The following STRBP variants were observed in gnomAD, a reference collection of about 807,000 sequenced individuals.
STRBP encodes the protein spermatid perinuclear RNA binding protein.
In STRBP, 13 loss-of-function variants were observed where a neutral mutation model predicts 80.1. The ratio of observed to expected loss-of-function variants is 0.16; its 90% CI spans 0.11 to 0.26. The LOEUF is 0.26. Among genes scored for constraint, STRBP ranks in the 10% least tolerant of loss-of-function variants. STRBP has a pLI of 1.00. For synonymous variants in STRBP, 284 were observed against 291.2 expected (o/e 0.98, Z 0.25); for missense variants, 485 against 815.2 (o/e 0.59, Z 4.93).
At chr9:123,259,029 C>A in intron 1 of STRBP, among the ~76,000 whole-genome samples, 1 of 132,710 alleles carries the variant, frequency 7.5e-6, no homozygotes, top group Admixed American at 8.8e-5. Flanking sequence ...ATTCTTGTTA[C>A]TGTATTAAGA....
chr9:123,145,955 C>T (rs1284609666), intron 13 of STRBP, among the ~76,000 whole-genome samples: 2 of 151,934 alleles, frequency 1.3e-5, no homozygotes, highest in Non-Finnish European at 2.9e-5. Flanking sequence ...TCTATCTTCC[C>T]ATCCTATACA....
chr9:123,221,092 G>T lies in STRBP; in HGVS notation c.-165+15738C>A, dbSNP rs116856884. ...AGAATTTTTAAAAAGAGAAAAGGAGGAGCTAAGCTGGGTGAAGCGTTGGGT... is the reference window on the plus strand; with the variant it reads ...AGAATTTTTAAAAAGAGAAAAGGAGTAGCTAAGCTGGGTGAAGCGTTGGGT... On this transcript the variant is annotated intron_variant, in intron 2 of 18. Coordinates refer to ENST00000348403, the MANE Select transcript of STRBP (RefSeq NM_018387.5). 2.9e-3 allele frequency among the ~76,000 whole-genome samples: 436 copies of T among 152,154 alleles called. 2 individuals are homozygous for T. Among genetic ancestry groups the T allele is most frequent in the Non-Finnish European group, 4.8e-3 (328 of 67,990 alleles).
intron 11 of STRBP, among the ~76,000 whole-genome samples, chr9:123,150,253 C>G (rs1482743423): frequency 1.3e-5 from 2 of 152,072 alleles, no homozygotes; most frequent in East Asian, 1.9e-4. Flanking sequence ...GTTCTCAAAC[C>G]CCGGTGCCAT....
intron 2 of STRBP, among the ~76,000 whole-genome samples, chr9:123,206,739 A>G (rs1163855266): frequency 6.6e-6 from 1 of 152,054 alleles, no homozygotes; most frequent in Non-Finnish European, 1.5e-5. Flanking sequence ...CCCGGGTCCA[A>G]GTGACTCTCC....
chr9:123,263,874 ATT>A (rs949840564), intron 1 of STRBP, among the ~76,000 whole-genome samples: 1 of 152,184 alleles, frequency 6.6e-6, no homozygotes, highest in Non-Finnish European at 1.5e-5. Context: ...TATGTTTATT[ATT>A]TCTGATATAA....
chr9:123,204,895 GC>G (rs1178530589), intron 2 of STRBP, among the ~76,000 whole-genome samples: 2 of 124,948 alleles, frequency 1.6e-5, no homozygotes, highest in East Asian at 2.4e-4. Context: ...CTGCACTCTA[GC>G]CTGGGCAACA....
intron 2 of STRBP, among the ~76,000 whole-genome samples, chr9:123,208,154 A>G (rs2039588140): frequency 6.6e-6 from 1 of 151,942 alleles, no homozygotes; most frequent in Non-Finnish European, 1.5e-5. Context: ...GACATATTCC[A>G]ACATAGAATT....
chr9:123,260,565 T>C (rs554151941), intron 1 of STRBP, among the ~76,000 whole-genome samples: 17 of 152,228 alleles, frequency 1.1e-4, no homozygotes, highest in Non-Finnish European at 1.3e-4. Context: ...ATGTTTTAAA[T>C]CCACGTCCTT....
Position 123,125,518 on chromosome 9 carries a change from G to A in STRBP, c.*79C>T. 1 of 1,391,336 alleles carries A rather than the reference G, an allele frequency of 7.2e-7. No individual in the cohort carries two copies. The highest frequency in any genetic ancestry group is 1.5e-5 in the African/African-American group (1 of 68,078). The allele number at this position is 1,391,336 out of a possible 1,614,324, so 86.2% of individuals were successfully genotyped here. On this transcript the variant is annotated 3_prime_UTR_variant, in exon 19 of 19. Transcript: ENST00000348403. ...TTGATCAAGTATGTGTTCAAAGAAA[G>A]CAGGATAAAAAGGCTTTTTCTCTAA...
chr9:123,265,058 G>C (rs1383437078), intron 1 of STRBP, among the ~76,000 whole-genome samples: 1 of 152,058 alleles, frequency 6.6e-6, no homozygotes, highest in Non-Finnish European at 1.5e-5. Flanking sequence ...AATACTCAGA[G>C]TTTCAATCGA....
Position 123,122,198 on chromosome 9 carries a change from T to C in STRBP, c.*3399A>G. ...CAGAAAATAAAAGAGCTTACCTTTG[T>C]ATACTGAGATCACAGCTTACAGTCA... is the stretch of plus-strand genomic sequence containing the variant. On this transcript the variant is annotated 3_prime_UTR_variant, in exon 19 of 19. Coordinates refer to ENST00000348403, the MANE Select transcript of STRBP (RefSeq NM_018387.5). The C allele has an allele frequency of 1.6e-6, 1 of 630,032 alleles. No homozygotes were observed. The highest frequency in any genetic ancestry group is 2.4e-6 in the Non-Finnish European group (1 of 420,140). The allele number at this position is 630,032 out of a possible 1,614,324, so 39.0% of individuals were successfully genotyped here. A position where few individuals can be genotyped will look rare whatever the true frequency, so the allele number is the denominator to read the frequency against.
chr9:123,264,072 G>A (rs949731847), intron 1 of STRBP, among the ~76,000 whole-genome samples: 2 of 152,166 alleles, frequency 1.3e-5, no homozygotes, highest in African/African-American at 2.4e-5. Context: ...CTAGCTACTC[G>A]GGAGGCTGGG....
At chr9:123,192,032 T>G (rs2038943651) in intron 2 of STRBP, among the ~76,000 whole-genome samples, 1 of 152,128 alleles carries the variant, frequency 6.6e-6, no homozygotes, top group Non-Finnish European at 1.5e-5. Flanking sequence ...ATGTGGGGTG[T>G]GAAGGAACTG....
At chr9:123,255,462 C>A (rs1176352135) in intron 1 of STRBP, among the ~76,000 whole-genome samples, 2 of 152,208 alleles carry the variant, frequency 1.3e-5, no homozygotes, top group Non-Finnish European at 2.9e-5. Flanking sequence ...AAAGGCACTA[C>A]TTAGATATCC....
At chr9:123,185,888 C>T (rs1472886931) in intron 2 of STRBP, among the ~76,000 whole-genome samples, 1 of 151,970 alleles carries the variant, frequency 6.6e-6, no homozygotes, top group Non-Finnish European at 1.5e-5. Flanking sequence ...AAAAATTAGC[C>T]GGGCATGGTG....
At chr9:123,207,026 A>G (rs756743546) in intron 2 of STRBP, among the ~76,000 whole-genome samples, 48 of 152,212 alleles carry the variant, frequency 3.2e-4, no homozygotes, top group Non-Finnish European at 5.6e-4. Flanking sequence ...TTTTCATGTC[A>G]TATTTTCTGC....
Position 123,122,677 on chromosome 9 carries a change from G to C in STRBP, c.*2920C>G. ...CAGCCTGAAGAAACACAAGCTGCAAGCCACATCCCTGGCTAGGGGCCAGTC... is the reference window on the plus strand; with the variant it reads ...CAGCCTGAAGAAACACAAGCTGCAACCCACATCCCTGGCTAGGGGCCAGTC... On this transcript the variant is annotated 3_prime_UTR_variant, in exon 19 of 19. Transcript: ENST00000348403. The C allele has an allele frequency of 1.6e-5, 16 of 1,014,154 alleles. No homozygotes were observed. Among genetic ancestry groups the C allele is most frequent in the Non-Finnish European group, 1.9e-5 (16 of 848,708 alleles). 62.8% of individuals were successfully genotyped at this position (1,014,154 alleles called of 1,614,324 possible). A position where few individuals can be genotyped will look rare whatever the true frequency, so the allele number is the denominator to read the frequency against.
At chr9:123,262,270 C>T (rs2041174807) in intron 1 of STRBP, among the ~76,000 whole-genome samples, 1 of 152,126 alleles carries the variant, frequency 6.6e-6, no homozygotes, top group African/African-American at 2.4e-5. Context: ...TAATGGCATA[C>T]TAAAACAAGC....
At chr9:123,146,353 C>A (rs2036813538) in intron 13 of STRBP, among the ~76,000 whole-genome samples, 1 of 151,586 alleles carries the variant, frequency 6.6e-6, no homozygotes, top group Non-Finnish European at 1.5e-5. Flanking sequence ...TAGAAACAAT[C>A]TGGAATAAGC....
Sources: allele counts gnomAD v4.1 joint callset (sites outside exome capture counted in the v4.1 genomes callset), GRCh38; gene constraint gnomAD v4.1.1; transcripts MANE v1.5; gene names NCBI Gene and HGNC (gene_info 2026-07-23, HGNC 2026-07-21).